The following NRP1 variants were observed in gnomAD, a reference collection of about 807,000 sequenced individuals.
NRP1 encodes neuropilin 1.
NRP1 carries 35 observed loss-of-function variants against 106.7 expected under a neutral mutation model. The ratio of observed to expected loss-of-function variants is 0.33; its 90% CI spans 0.25 to 0.43. The LOEUF (loss-of-function observed/expected upper bound fraction) is 0.43. Ranked by LOEUF, NRP1 falls within the 20% of genes least tolerant of loss-of-function variation. The probability of loss-of-function intolerance (pLI) is 1.00; values close to 1 mark genes in which losing one functional copy is unlikely to be tolerated. For missense variants in NRP1, 1,024 were observed against 1,170.4 expected, an observed-to-expected ratio of 0.87 and a Z score of 1.83; for synonymous variants, 437 against 417.9, an observed-to-expected ratio of 1.05 and a Z score of -0.56.
chr10:33,319,892 G>A (rs183738020), intron 2 of NRP1, among the ~76,000 whole-genome samples: 19 of 151,848 alleles, frequency 1.3e-4, no homozygotes, highest in Admixed American at 1.2e-3. Context: ...GGCCTGGGTC[G>A]GTGCCATCTT....
At chr10:33,265,637 T>C (rs1363746425) in intron 3 of NRP1, among the ~76,000 whole-genome samples, 1 of 152,178 alleles carries the variant, frequency 6.6e-6, no homozygotes, top group Non-Finnish European at 1.5e-5. Flanking sequence ...ATCCATGGCA[T>C]TGCAGATGCA....
chr10:33,213,375 C>T lies in NRP1; in HGVS notation c.1614+11G>A, dbSNP rs374345717. ...ATAAGGGATGACCTCCTCCCAGTCCCCAGCCCTCACCTTCGCCTTGCGTTT... is the reference window on the plus strand; with the variant it reads ...ATAAGGGATGACCTCCTCCCAGTCCTCAGCCCTCACCTTCGCCTTGCGTTT... On this transcript the variant is annotated intron_variant, in intron 9 of 16. Coordinates refer to ENST00000374867, the MANE Select transcript of NRP1 (RefSeq NM_003873.7). The T allele has an allele frequency of 1.2e-5, 20 of 1,614,138 alleles. No individual in the cohort carries two copies. In the African/African-American group the frequency reaches 2.5e-4, roughly 20 times the overall value.
chr10:33,254,300 T>G, intron 5 of NRP1, 106 bp from the exon 6 acceptor site: 1 of 1,014,426 alleles, frequency 9.9e-7, no homozygotes, highest in Non-Finnish European at 1.4e-6. Context: ...CAAAATTCTT[T>G]AAAAAGATGG....
At chr10:33,186,645 A>T (rs1004541445) in intron 13 of NRP1, among the ~76,000 whole-genome samples, 157 bp from the exon 14 acceptor site, 1 of 152,174 alleles carries the variant, frequency 6.6e-6, no homozygotes, top group African/African-American at 2.4e-5. Flanking sequence ...TGGGGACCTC[A>T]TGGGCACCTA....
chr10:33,213,623 A>G lies in NRP1; in HGVS notation c.1377T>C (p.Pro459=), dbSNP rs2132817352. 6.2e-7 allele frequency: 1 copy of G among 1,614,094 alleles called. No individual in the cohort carries two copies. Among genetic ancestry groups the G allele is most frequent in the African/African-American group, 1.3e-5 (1 of 75,012 alleles). The part of the protein sequence containing the change: ...SSNQGDRNWM[P]ENIRLVTSRS... ...GACTGGTTACCAGGCGGATGTTTTC[A>G]GGCATCCAGTTTCTGTCCCCTTGGT... is the stretch of plus-strand genomic sequence containing the variant. The change falls in exon 9 of 17, where the codon CCT becomes CCC. Residue 459 remains proline (P), a synonymous_variant. Transcript: ENST00000374867.
At chr10:33,284,241 T>G (rs1281951106) in intron 2 of NRP1, among the ~76,000 whole-genome samples, 6 of 152,214 alleles carry the variant, frequency 3.9e-5, no homozygotes, top group African/African-American at 1.4e-4. Context: ...AAAACCAGAA[T>G]ATGTAAAATA....
At chr10:33,312,939 T>G (rs961842912) in intron 2 of NRP1, among the ~76,000 whole-genome samples, 1 of 152,210 alleles carries the variant, frequency 6.6e-6, no homozygotes, top group Non-Finnish European at 1.5e-5. Flanking sequence ...TCAATTGCAC[T>G]TAAAGCACAC....
At chr10:33,253,319 G>T (rs767994389) in intron 6 of NRP1, among the ~76,000 whole-genome samples, 1 of 152,088 alleles carries the variant, frequency 6.6e-6, no homozygotes, top group Non-Finnish European at 1.5e-5. Flanking sequence ...TGGGGTCAGC[G>T]GTGGGGATGT....
At chr10:33,316,504 C>T (rs975441173) in intron 2 of NRP1, among the ~76,000 whole-genome samples, 5 of 152,146 alleles carry the variant, frequency 3.3e-5, no homozygotes, top group African/African-American at 9.7e-5. Context: ...CCAACGCTCA[C>T]GTCAGATTCA....
At chr10:33,189,047 A>G (rs1011907848) in intron 13 of NRP1, among the ~76,000 whole-genome samples, 7 of 151,210 alleles carry the variant, frequency 4.6e-5, no homozygotes, top group Non-Finnish European at 1.0e-4. Flanking sequence ...AGCCCCTCCA[A>G]TGGACCTTTT....
chr10:33,334,290 C>T lies in NRP1; in HGVS notation c.73+20G>A, dbSNP rs947824343. Reference sequence around the variant, plus strand: ...GGAGCCGGGGCGCCGCTGTCACCCGCGCCTCTGCCTGTCACTTACCGTTGC... The same window carrying T: ...GGAGCCGGGGCGCCGCTGTCACCCGTGCCTCTGCCTGTCACTTACCGTTGC... On this transcript the variant is annotated intron_variant, in intron 1 of 16. Transcript: ENST00000374867. The T allele has an allele frequency of 2.0e-6, 3 of 1,537,164 alleles. No individual in the cohort carries two copies. The highest frequency in any genetic ancestry group is 2.6e-6 in the Non-Finnish European group (3 of 1,144,370).
chr10:33,265,434 A>G (rs1842858043), intron 3 of NRP1, among the ~76,000 whole-genome samples: 1 of 152,180 alleles, frequency 6.6e-6, no homozygotes, highest in African/African-American at 2.4e-5. Flanking sequence ...TTCTTAACTA[A>G]ACATTCTCCC....
chr10:33,221,764 T>C lies in NRP1; in HGVS notation c.1237A>G (p.Thr413Ala). ...FVRIKPATWE[T>A]GISMRFEVYG... ...ACTTCAAATCTCATAGATATGCCAG[T>C]TTCCCAAGTTGCAGGCTTGATTCGG... is the stretch of plus-strand genomic sequence containing the variant. Residue 413 changes from threonine (T) to alanine (A), a missense_variant, in exon 8 of 17, where the codon ACT becomes GCT. By Grantham distance (58) the Thr-to-Ala change is moderately conservative (BLOSUM62 0). Transcript: ENST00000374867. 1 of 1,614,140 alleles carries C rather than the reference T, an allele frequency of 6.2e-7. No homozygotes were observed. Among genetic ancestry groups the C allele is most frequent in the Non-Finnish European group, 8.5e-7 (1 of 1,179,998 alleles).
chr10:33,334,522 G>C lies in NRP1; in HGVS notation c.-140C>G. 1 of 706,244 alleles carries C rather than the reference G, an allele frequency of 1.4e-6. No homozygotes were observed. The highest frequency in any genetic ancestry group is 2.3e-6 in the Non-Finnish European group (1 of 436,018). 43.7% of individuals were successfully genotyped at this position (706,244 alleles called of 1,614,324 possible). ...AATCCTCAGCCCGTCTTGGAGAAAA[G>C]AAAGCAGCGAGGCAATGCCTGGATC... On this transcript the variant is annotated 5_prime_UTR_variant, in exon 1 of 17. Transcript: ENST00000374867.
At chr10:33,194,020 C>T (rs2132639542) in intron 12 of NRP1, among the ~76,000 whole-genome samples, 1 of 152,234 alleles carries the variant, frequency 6.6e-6, no homozygotes, top group Middle Eastern at 3.4e-3. Context: ...TGCAAACAGG[C>T]TATATTTCAC....
At chr10:33,313,784 G>C (rs1846789766) in intron 2 of NRP1, among the ~76,000 whole-genome samples, 1 of 152,178 alleles carries the variant, frequency 6.6e-6, no homozygotes, top group Admixed American at 6.5e-5. Flanking sequence ...TTTCTTGAGA[G>C]AGCTACGGAC....
chr10:33,277,838 T>C (rs893200633), intron 2 of NRP1, among the ~76,000 whole-genome samples: 5 of 152,228 alleles, frequency 3.3e-5, no homozygotes, highest in South Asian at 2.1e-4. Flanking sequence ...TTTTCCTATA[T>C]ATATTTTTCA....
chr10:33,236,951 G>A (rs1044631322), intron 6 of NRP1, among the ~76,000 whole-genome samples: 18 of 152,142 alleles, frequency 1.2e-4, no homozygotes, highest in Admixed American at 6.5e-5. Flanking sequence ...AAGCTGAGAC[G>A]TAGCGCAATT....
rs2506143 is a variant in NRP1 at position 33,179,241 on chromosome 10, A to G, written c.*835T>C. On this transcript the variant is annotated 3_prime_UTR_variant, in exon 17 of 17. Transcript: ENST00000374867. ...TTCTTCTTAGTCAGTGGGCCACCAG[A>G]GTTTGATTAAAGAGCAGGGCTTTCA... The G allele has an allele frequency of 0.19, 29,071 of 152,586 alleles. 3,112 individuals carry two copies. Among genetic ancestry groups the G allele is most frequent in the African/African-American group, 0.3 (12,462 of 41,484 alleles). The allele number at this position is 152,586 out of a possible 1,614,324, so 9.5% of individuals were successfully genotyped here.
Sources: gnomAD v4.1 joint callset for allele counts (sites outside exome capture counted in the v4.1 genomes callset) on GRCh38, gnomAD v4.1.1 for gene constraint, MANE v1.5 for transcripts, NCBI Gene and HGNC (gene_info 2026-07-23, HGNC 2026-07-21) for gene names.